The following OPTN variants were observed in gnomAD, a reference collection of about 807,000 sequenced individuals.
OPTN encodes E3-14.7K-interacting protein.
Under a neutral mutation model 70.4 loss-of-function variants are expected in OPTN, and 54 were observed. That is an observed-to-expected ratio of 0.77 (90% CI 0.62 to 0.96). The LOEUF is 0.96. Ranked by LOEUF, OPTN falls within the 40% of genes least tolerant of loss-of-function variation. OPTN has a pLI of 0.00. For missense variants in OPTN, 624 were observed against 673.2 expected, an observed-to-expected ratio of 0.93 and a Z score of 0.81; for synonymous variants, 256 against 248.5, an observed-to-expected ratio of 1.03 and a Z score of -0.28.
intron 12 of OPTN, 149 bp downstream of exon 12, chr10:13,128,052 T>G: frequency 3.4e-6 from 3 of 889,968 alleles, no homozygotes; most frequent in Non-Finnish European, 5.4e-6. Context: ...ATTGAAACAT[T>G]TGGAAAGTGC....
chr10:13,126,039 G>A lies in OPTN; in HGVS notation c.1242G>A (p.Glu414=), dbSNP rs1588448115. 6.3e-7 allele frequency: 1 copy of A among 1,588,988 alleles called. No homozygotes were observed. The highest frequency in any genetic ancestry group is 8.6e-7 in the Non-Finnish European group (1 of 1,157,546). ...LKTIEELTRK[E]SEKVDRAVLK... is the part of the protein sequence containing the mutation. Reference sequence around the variant, plus strand: ...CAATTGAGGAACTAACAAGAAAAGAGGTATTCACTGAAAAAAATTACTTCC... The same window carrying A: ...CAATTGAGGAACTAACAAGAAAAGAAGTATTCACTGAAAAAAATTACTTCC... The change falls in exon 11 of 15, where the codon GAG becomes GAA. Residue 414 remains glutamate, a splice_region_variant and synonymous_variant. Coordinates refer to ENST00000378747, the MANE Select transcript of OPTN (RefSeq NM_001008212.2).
At position 13,124,154 on chromosome 10, in the gene OPTN, T is replaced by G. The variant is rs199976882; in HGVS notation, c.998+44T>G. 2.5e-4 allele frequency: 287 copies of G among 1,131,482 alleles called. 3 individuals are homozygous for G. Among genetic ancestry groups the G allele is most frequent in the Middle Eastern group, 5.9e-4 (3 of 5,088 alleles). The allele number at this position is 1,131,482 out of a possible 1,614,324, so 70.1% of individuals were successfully genotyped here. ...TTTTATCCTCCTTTGAAATATACAT[T>G]TTTACAAAGTATACTACTATATAAA... On this transcript the variant is annotated intron_variant, in intron 9 of 14. Transcript: ENST00000378747.
intron 4 of OPTN, among the ~76,000 whole-genome samples, chr10:13,111,515 T>C (rs1435406192): frequency 2.7e-5 from 4 of 145,764 alleles, no homozygotes; most frequent in South Asian, 4.4e-4. Flanking sequence ...CTGGCCAACA[T>C]GGCGAAACCC....
chr10:13,114,812 A>ATAC (rs1564358854), intron 5 of OPTN, among the ~76,000 whole-genome samples: 1 of 8,176 alleles, frequency 1.2e-4, no homozygotes, highest in African/African-American at 3.1e-4. Context: ...ACATATATAT[A>ATAC]ATTATATAAT....
chr10:13,100,909 G>C (rs529516211), intron 1 of OPTN, among the ~76,000 whole-genome samples: 1 of 152,238 alleles, frequency 6.6e-6, no homozygotes, highest in African/African-American at 2.4e-5. Context: ...GCCTCCACCA[G>C]CAGGAAAACT....
chr10:13,106,902 T>C (rs1021105671), intron 1 of OPTN, among the ~76,000 whole-genome samples: 2 of 152,174 alleles, frequency 1.3e-5, no homozygotes, highest in African/African-American at 2.4e-5. Flanking sequence ...ACAGGCTCCA[T>C]AGTCATGAGT....
chr10:13,117,541 G>A (rs1833247643), intron 6 of OPTN, among the ~76,000 whole-genome samples: 1 of 150,690 alleles, frequency 6.6e-6, no homozygotes, highest in African/African-American at 2.5e-5. Flanking sequence ...TGCCTCCCGG[G>A]TACAAGCAGT....
At chr10:13,124,813 T>C (rs1329140179) in intron 9 of OPTN, among the ~76,000 whole-genome samples, 1 of 152,214 alleles carries the variant, frequency 6.6e-6, no homozygotes, top group East Asian at 1.9e-4. Flanking sequence ...TTGGGCAAGG[T>C]ATTTATTTCA....
At chr10:13,102,715 G>C (rs1422446795) in intron 1 of OPTN, among the ~76,000 whole-genome samples, 1 of 152,146 alleles carries the variant, frequency 6.6e-6, no homozygotes, top group Non-Finnish European at 1.5e-5. Context: ...GGCCGAGGTG[G>C]GTGGATCACT....
At chr10:13,122,354 A>G (rs1269374223) in intron 7 of OPTN, 31 bp from the exon 8 acceptor site, 1 of 1,478,664 alleles carries the variant, frequency 6.8e-7, no homozygotes, top group Non-Finnish European at 9.5e-7. Context: ...CCAAAGAGAA[A>G]GTAACTTTTC....
At chr10:13,130,512 T>C (rs1833574202) in intron 12 of OPTN, among the ~76,000 whole-genome samples, 1 of 151,550 alleles carries the variant, frequency 6.6e-6, no homozygotes, top group Admixed American at 6.6e-5. Flanking sequence ...ACTCTGTTCT[T>C]ACTGGCTCAA....
chr10:13,108,105 G>A (rs1237775123), intron 1 of OPTN, 33 bp from the exon 2 acceptor site: 1 of 152,190 alleles, frequency 6.6e-6, no homozygotes, highest in Non-Finnish European at 1.5e-5. Context: ...TAAAGCCTAA[G>A]TACTCAGTAA....
rs771828062 is a variant in OPTN at position 13,103,742 on chromosome 10, GCACACACACACACA to G, written c.-164+3453_-164+3466del. On this transcript the variant is annotated intron_variant, in intron 1 of 14. Transcript: ENST00000378747. The stretch of plus-strand genomic sequence containing the variant: ...AATTTAAATGTATATACACACACAT[GCACACACACACACA>G]CACACACACACAATCAGGAATTGAG... Among the ~76,000 whole-genome samples the G allele has an allele frequency of 3.9e-3, 254 of 64,898 alleles. 1 individual carries two copies. Among genetic ancestry groups the G allele is most frequent in the African/African-American group, 7.6e-3 (239 of 31,394 alleles). 42.6% of individuals were successfully genotyped at this position (64,898 alleles called of 152,430 possible).
At chr10:13,134,075 C>T (rs1833649300) in intron 14 of OPTN, among the ~76,000 whole-genome samples, 1 of 152,228 alleles carries the variant, frequency 6.6e-6, no homozygotes, top group Non-Finnish European at 1.5e-5. Context: ...TCCCAAAGTA[C>T]CGGGATTACA....
rs745564491 is a variant in OPTN, at chr10:13,137,252, C to G, written c.*386C>G. 1 of 358,590 alleles carries G rather than the reference C, an allele frequency of 2.8e-6. No homozygotes were observed. Among genetic ancestry groups the G allele is most frequent in the South Asian group, 3.3e-5 (1 of 30,218 alleles). The allele number at this position is 358,590 out of a possible 1,614,324, so 22.2% of individuals were successfully genotyped here. A position where few individuals can be genotyped will look rare whatever the true frequency, so the allele number is the denominator to read the frequency against. On this transcript the variant is annotated 3_prime_UTR_variant, in exon 15 of 15. Transcript: ENST00000378747. ...CGAGACGACACCACTGCACTCCAGC[C>G]TGGGTGACAGAGGGAGACTCTGTCT...
chr10:13,103,209 G>C (rs961494883), intron 1 of OPTN, among the ~76,000 whole-genome samples: 1 of 152,146 alleles, frequency 6.6e-6, no homozygotes, highest in African/African-American at 2.4e-5. Flanking sequence ...AGGTGGGAAG[G>C]GTTTAGTCAA....
At chr10:13,121,500 T>TAAAAAAA (rs200687404) in intron 7 of OPTN, among the ~76,000 whole-genome samples, 5 of 90,878 alleles carry the variant, frequency 5.5e-5, no homozygotes, top group African/African-American at 1.9e-4. Context: ...GATTATCCTG[T>TAAAAAAA]AAAAAAAAAA....
intron 12 of OPTN, among the ~76,000 whole-genome samples, chr10:13,130,200 G>A (rs578028638): frequency 2.2e-4 from 33 of 152,134 alleles, no homozygotes; most frequent in Non-Finnish European, 3.8e-4. Context: ...GCCGAGGCAG[G>A]CAGATTACAA....
Position 13,137,002 on chromosome 10 carries a change from G to A in OPTN, c.*136G>A, listed in dbSNP as rs889330996. The A allele has an allele frequency of 2.8e-5, 32 of 1,130,938 alleles. No homozygotes were observed. Among genetic ancestry groups the A allele is most frequent in the South Asian group, 1.0e-4 (8 of 79,330 alleles). The allele number at this position is 1,130,938 out of a possible 1,614,324, so 70.1% of individuals were successfully genotyped here. A position where few individuals can be genotyped will look rare whatever the true frequency, so the allele number is the denominator to read the frequency against. On this transcript the variant is annotated 3_prime_UTR_variant, in exon 15 of 15. Coordinates refer to ENST00000378747, the MANE Select transcript of OPTN (RefSeq NM_001008212.2). ...TGTTTTAAAAGAAAGAAAACAGGCC[G>A]GGCACAGTGGCTCATGCCTGTAATC...
Sources: allele counts gnomAD v4.1 joint callset (sites outside exome capture counted in the v4.1 genomes callset), GRCh38; gene constraint gnomAD v4.1.1; transcripts MANE v1.5; gene names NCBI Gene and HGNC (gene_info 2026-07-23, HGNC 2026-07-21).